TBCD: variants seen among roughly 807,000 people sequenced by gnomAD.
TBCD encodes tubulin folding cofactor D, also known as tubulin-specific chaperone D.
Under a neutral mutation model 169.3 loss-of-function variants are expected in TBCD, and 105 were observed. The observed-to-expected ratio is 0.62, with a 90% confidence interval of 0.53 to 0.73. The LOEUF is 0.73. Ranked by LOEUF, TBCD falls within the 30% of genes least tolerant of loss-of-function variation. The pLI is 0.00. For synonymous variants in TBCD, 700 were observed against 643.9 expected, an observed-to-expected ratio of 1.09 and a Z score of -1.32; for missense variants, 1,444 against 1,600.1, an observed-to-expected ratio of 0.90 and a Z score of 1.66.
chr17:82,756,244 A>G (rs1156756867), intron 2 of TBCD, 29 bp downstream of exon 2: 3 of 1,594,504 alleles, frequency 1.9e-6, no homozygotes, highest in Non-Finnish European at 2.6e-6. Flanking sequence ...GATTTTGATC[A>G]TTCAGTTACA....
intron 18 of TBCD, among the ~76,000 whole-genome samples, chr17:82,902,593 G>A (rs892753522): frequency 2.0e-5 from 3 of 152,250 alleles, no homozygotes; most frequent in Non-Finnish European, 4.4e-5. Flanking sequence ...AGGGCCCTCG[G>A]CCGACACCAG....
At chr17:82,783,932 C>G (rs1437052384) in intron 7 of TBCD, among the ~76,000 whole-genome samples, 2 of 152,180 alleles carry the variant, frequency 1.3e-5, no homozygotes, top group East Asian at 3.8e-4. Flanking sequence ...CGAGACCAGC[C>G]TGGTCAACGT....
rs180810798 is a variant in TBCD, at chr17:82,780,124, G to A, written c.639-1465G>A. 1.2e-4 allele frequency among the ~76,000 whole-genome samples: 18 copies of A among 152,268 alleles called. No individual in the cohort carries two copies. In the East Asian group the frequency reaches 3.1e-3, roughly 26 times the overall value. ...CTCTCCCACTCGGCTGCTCTGCTTC[G>A]ACCATGTTGCCTTTGCAGTTCGCGA... On this transcript the variant is annotated intron_variant, in intron 6 of 38. Transcript: ENST00000355528.
chr17:82,930,313 G>C lies in TBCD; in HGVS notation c.2992-209G>C. 1.6e-6 allele frequency: 1 copy of C among 624,976 alleles called. No homozygotes were observed. Among genetic ancestry groups the C allele is most frequent in the Non-Finnish European group, 2.7e-6 (1 of 373,338 alleles). The allele number at this position is 624,976 out of a possible 1,614,324, so 38.7% of individuals were successfully genotyped here. ...AAGTGAGGGCTCAGGCTGAGCTGCCGTTGCCGAGAGCCTTGTGTCTGCTTC... is the reference window on the plus strand; with the variant it reads ...AAGTGAGGGCTCAGGCTGAGCTGCCCTTGCCGAGAGCCTTGTGTCTGCTTC... On this transcript the variant is annotated intron_variant, in intron 32 of 38. Transcript: ENST00000355528. This position sits in a 1 kb window ranked among gnomAD's most constrained non-coding sequence, Gnocchi z 5.2.
chr17:82,919,985 C>T (rs1386414158), intron 23 of TBCD, among the ~76,000 whole-genome samples: 4 of 152,136 alleles, frequency 2.6e-5, no homozygotes, highest in Non-Finnish European at 4.4e-5. Flanking sequence ...TAGGTAGAGA[C>T]GGTGGGAGCT....
At chr17:82,800,348 A>G (rs879076543) in intron 8 of TBCD, among the ~76,000 whole-genome samples, 14 of 151,862 alleles carry the variant, frequency 9.2e-5, no homozygotes, top group South Asian at 4.2e-4. Flanking sequence ...CTGTCCTGCT[A>G]TTGTCATCAC....
At chr17:82,905,323 TG>T (rs1429889100) in intron 19 of TBCD, among the ~76,000 whole-genome samples, 6 of 152,220 alleles carry the variant, frequency 3.9e-5, no homozygotes, top group African/African-American at 1.4e-4. Context: ...CTGGGGCACT[TG>T]GGAGCGGGCC....
Position 82,938,074 on chromosome 17 carries a change from G to T in TBCD, c.3307G>T (p.Gly1103Cys). ...GTTCTGCGAGATGGTGCAGTTCCCC[G>T]GCGACGTGAGGAGGCAGGCCCTCCT... is the stretch of plus-strand genomic sequence containing the variant. The part of the protein sequence containing the change: ...AVFCEMVQFP[G>C]DVRRQALLQL... The change falls in exon 36 of 39, where the codon GGC becomes TGC. Residue 1103 changes from glycine (G) to cysteine (C), a missense_variant. Physicochemically the swap from Gly to Cys is radical, Grantham distance 159 (BLOSUM62 -3). Coordinates refer to ENST00000355528, the MANE Select transcript of TBCD (RefSeq NM_005993.5). 1 of 1,613,108 alleles carries T rather than the reference G, an allele frequency of 6.2e-7. No homozygotes were observed. Among genetic ancestry groups the T allele is most frequent in the South Asian group, 1.1e-5 (1 of 91,076 alleles).
At chr17:82,840,460 T>C (rs1485018521) in intron 13 of TBCD, 1 of 152,278 alleles carries the variant, frequency 6.6e-6, no homozygotes, top group Middle Eastern at 3.2e-3. Context: ...CATGGCGTCC[T>C]TGCCATGAGG....
At chr17:82,850,474 G>T (rs1226999998) in intron 13 of TBCD, among the ~76,000 whole-genome samples, 1 of 145,372 alleles carries the variant, frequency 6.9e-6, no homozygotes, top group African/African-American at 2.6e-5. Context: ...GCTGTTGTTG[G>T]CTGTGCTGTT....
chr17:82,834,316 A>G (rs147157561), intron 13 of TBCD, among the ~76,000 whole-genome samples: 487 of 152,312 alleles, frequency 3.2e-3, no homozygotes, highest in Middle Eastern at 6.8e-3. Context: ...TCAAGCAGCA[A>G]CTGTGCCTGG....
rs370565250 is a variant in TBCD at position 82,830,189 on chromosome 17, C to T, written c.1318+15255C>T. 2.5e-6 allele frequency: 4 copies of T among 1,614,088 alleles called. No individual in the cohort carries two copies. The highest frequency in any genetic ancestry group is 3.4e-6 in the Non-Finnish European group (4 of 1,180,046). On this transcript the variant is annotated intron_variant, in intron 13 of 38. Coordinates refer to ENST00000355528, the MANE Select transcript of TBCD (RefSeq NM_005993.5). ...CGTAGTGTGAACACTCTGGCCGTGT[C>T]CTGCAGCTTCGCCTTCTTAGCTCCT... is the stretch of plus-strand genomic sequence containing the variant.
At chr17:82,792,552 C>T (rs1326016103) in intron 7 of TBCD, among the ~76,000 whole-genome samples, 1 of 152,142 alleles carries the variant, frequency 6.6e-6, no homozygotes, top group Non-Finnish European at 1.5e-5. Context: ...AAGCCACAAT[C>T]ATTTTGTGTT....
intron 2 of TBCD, 98 bp downstream of exon 2, chr17:82,756,313 A>C (rs958406034): frequency 1.2e-5 from 15 of 1,252,240 alleles, no homozygotes; most frequent in Non-Finnish European, 1.7e-5. Flanking sequence ...TGCCAGGATC[A>C]AATGCCAAGA....
intron 13 of TBCD, among the ~76,000 whole-genome samples, chr17:82,826,516 A>G (rs933187705): frequency 6.6e-6 from 1 of 150,888 alleles, no homozygotes; most frequent in East Asian, 2.0e-4. Context: ...CCTGGGCTCA[A>G]GCAATCCTCC....
chr17:82,903,639 T>C lies in TBCD; in HGVS notation c.1804+161T>C, dbSNP rs550826981. ...GTGGACTTGATCAGTGGATAGGCTGTGAGGACGGATGCGGTGAGTGTGTCC... is the reference window on the plus strand; with the variant it reads ...GTGGACTTGATCAGTGGATAGGCTGCGAGGACGGATGCGGTGAGTGTGTCC... On this transcript the variant is annotated intron_variant, in intron 19 of 38. Transcript: ENST00000355528. The surrounding 1 kb of genome is among the most constrained non-coding windows in gnomAD (Gnocchi z 4.8). Among the ~76,000 whole-genome samples, 66 of 152,338 alleles carry C rather than the reference T, an allele frequency of 4.3e-4. No individual in the cohort carries two copies. Among genetic ancestry groups the C allele is most frequent in the African/African-American group, 1.5e-3 (63 of 41,584 alleles).
intron 13 of TBCD, among the ~76,000 whole-genome samples, chr17:82,855,874 A>G (rs1390610975): frequency 1.3e-5 from 2 of 151,784 alleles, no homozygotes; most frequent in African/African-American, 4.8e-5. Context: ...TTTTATACAC[A>G]TGGAGTCTGC....
intron 7 of TBCD, among the ~76,000 whole-genome samples, chr17:82,791,718 A>T (rs906947922): frequency 1.3e-5 from 2 of 152,210 alleles, no homozygotes; most frequent in East Asian, 3.8e-4. Flanking sequence ...TGCTGAGAAC[A>T]TTTTAAAATG....
At chr17:82,756,529 G>C (rs2047412677) in intron 2 of TBCD, among the ~76,000 whole-genome samples, 1 of 151,980 alleles carries the variant, frequency 6.6e-6, no homozygotes, top group African/African-American at 2.4e-5. Flanking sequence ...CTCCAGGCTA[G>C]AGTGCTGTGG....
Sources: allele counts gnomAD v4.1 joint callset (sites outside exome capture counted in the v4.1 genomes callset), GRCh38; gene constraint gnomAD v4.1.1; non-coding constraint Gnocchi (gnomAD v3.1); transcripts MANE v1.5; gene names NCBI Gene and HGNC (gene_info 2026-07-23, HGNC 2026-07-21).